Variants in TBC1D14 observed in about 807,000 individuals in gnomAD.
The protein encoded by TBC1D14 is TBC1 domain family member 14.
In TBC1D14, 26 loss-of-function variants were observed where a neutral mutation model predicts 79.0. The observed-to-expected ratio is 0.33, with a 90% CI of 0.24 to 0.46. The LOEUF (loss-of-function observed/expected upper bound fraction) is 0.46, where lower values mean the gene tolerates loss of function less well. TBC1D14 is among the 20% of genes least tolerant of loss of function. TBC1D14 has a pLI of 1.00. For synonymous variants in TBC1D14, 394 were observed against 349.9 expected (o/e 1.13, Z -1.40); for missense variants, 769 against 887.6 (o/e 0.87, Z 1.70).
intron 11 of TBC1D14, among the ~76,000 whole-genome samples, chr4:7,013,728 C>T (rs1238746006): frequency 1.4e-5 from 2 of 143,820 alleles, no homozygotes; most frequent in African/African-American, 5.2e-5. Flanking sequence ...CGAGGCATGC[C>T]TGCTTTTCCA....
intron 2 of TBC1D14, among the ~76,000 whole-genome samples, chr4:6,963,535 G>A (rs930508259): frequency 1.3e-5 from 2 of 152,204 alleles, no homozygotes; most frequent in East Asian, 1.9e-4. Context: ...TGACAAGTAG[G>A]TGCAGCTCCT....
chr4:6,999,585 C>G (rs918507296), intron 6 of TBC1D14, among the ~76,000 whole-genome samples: 6 of 152,114 alleles, frequency 3.9e-5, no homozygotes. Context: ...CTCTCCTCCA[C>G]TTGGACAGAG....
intron 2 of TBC1D14, among the ~76,000 whole-genome samples, chr4:6,953,960 G>C (rs999345964): frequency 8.5e-5 from 13 of 152,172 alleles, no homozygotes; most frequent in Non-Finnish European, 1.8e-4. Flanking sequence ...GCTTTTCCAG[G>C]TCCGAGGTCC....
At chr4:7,016,409 C>T (rs1721281636) in intron 12 of TBC1D14, among the ~76,000 whole-genome samples, 1 of 152,356 alleles carries the variant, frequency 6.6e-6, no homozygotes, top group East Asian at 1.9e-4. Context: ...CCACCGTGTG[C>T]ATTTGACTGC....
chr4:6,998,871 T>C (rs1253544823), intron 5 of TBC1D14: 1 of 528,240 alleles, frequency 1.9e-6, no homozygotes. Flanking sequence ...TGTACTTTCC[T>C]GTCTAGATGT....
intron 3 of TBC1D14, among the ~76,000 whole-genome samples, chr4:6,981,160 G>A (rs1335646106): frequency 6.6e-6 from 1 of 151,936 alleles, no homozygotes; most frequent in African/African-American, 2.4e-5. Context: ...GAGTAGCTGG[G>A]ATTACAGGCA....
chr4:6,961,431 G>A (rs1553860645), intron 2 of TBC1D14, among the ~76,000 whole-genome samples: 1 of 152,160 alleles, frequency 6.6e-6, no homozygotes, highest in Non-Finnish European at 1.5e-5. Flanking sequence ...AGCTGGCCCT[G>A]CTGAGGAGTT....
At chr4:6,917,611 TG>T (rs1244680509) in intron 1 of TBC1D14, among the ~76,000 whole-genome samples, 2 of 151,784 alleles carry the variant, frequency 1.3e-5, no homozygotes, top group African/African-American at 4.8e-5. Context: ...GGGTAATGGC[TG>T]GGGGTGACTG....
chr4:6,960,901 G>A (rs913359359), intron 2 of TBC1D14, among the ~76,000 whole-genome samples: 1 of 152,202 alleles, frequency 6.6e-6, no homozygotes, highest in African/African-American at 2.4e-5. Context: ...GCCAGAATCG[G>A]TGTCCAACGC....
chr4:6,998,935 G>A (rs570007800), intron 5 of TBC1D14, 150 bp from the exon 6 acceptor site: 54 of 646,820 alleles, frequency 8.3e-5, no homozygotes, highest in Non-Finnish European at 1.3e-4. Context: ...TCTGGAGTCC[G>A]TCAGGTGTGA....
intron 3 of TBC1D14, among the ~76,000 whole-genome samples, chr4:6,984,102 A>T (rs1171034431): frequency 1.4e-5 from 2 of 140,592 alleles, no homozygotes; most frequent in Non-Finnish European, 3.1e-5. Context: ...GAGGGGTCTC[A>T]GGCCTGTGAA....
chr4:6,929,396 T>C (rs1711533352), intron 2 of TBC1D14, among the ~76,000 whole-genome samples: 1 of 152,096 alleles, frequency 6.6e-6, no homozygotes, highest in African/African-American at 2.4e-5. Context: ...CCCTCTACTG[T>C]GTGATGAGGA....
In TBC1D14 at chr4:6,996,216, T is replaced by A. The variant is rs376307555; in HGVS notation, c.963-109T>A. 4.5e-5 allele frequency: 37 copies of A among 819,134 alleles called. No individual in the cohort carries two copies. In the East Asian group the frequency reaches 5.4e-4, roughly 12 times the overall value. 50.7% of individuals were successfully genotyped at this position (819,134 alleles called of 1,614,324 possible). ...AACTGTGTAATCTTAAAAAAATGAGTTTTTAGTGTTTGAGCTTTATATTTT... is the reference window on the plus strand; with the variant it reads ...AACTGTGTAATCTTAAAAAAATGAGATTTTAGTGTTTGAGCTTTATATTTT... On this transcript the variant is annotated intron_variant, in intron 4 of 13. Coordinates refer to ENST00000409757, the MANE Select transcript of TBC1D14 (RefSeq NM_020773.3).
At chr4:6,993,909 C>G (rs1297258842) in intron 3 of TBC1D14, among the ~76,000 whole-genome samples, 1 of 152,166 alleles carries the variant, frequency 6.6e-6, no homozygotes, top group African/African-American at 2.4e-5. Flanking sequence ...ACTTGAGAGG[C>G]TTAGGCAGGA....
chr4:7,025,268 CG>C lies in TBC1D14; in HGVS notation c.2016+9del, dbSNP rs755200891. 1 of 1,614,054 alleles carries C rather than the reference CG, an allele frequency of 6.2e-7. No homozygotes were observed. Among genetic ancestry groups the C allele is most frequent in the Non-Finnish European group, 8.5e-7 (1 of 1,179,930 alleles). ...GAAACAAGAAGTGGGCTCAGGTCAGCGGGCTTTGTGTTCTTGGCTTCCCACA... is the reference window on the plus strand; with the variant it reads ...GAAACAAGAAGTGGGCTCAGGTCAGCGGCTTTGTGTTCTTGGCTTCCCACA... On this transcript the variant is annotated splice_region_variant and intron_variant, in intron 13 of 13. Coordinates refer to ENST00000409757, the MANE Select transcript of TBC1D14 (RefSeq NM_020773.3).
chr4:7,011,238 C>G (rs1720735072), intron 11 of TBC1D14, among the ~76,000 whole-genome samples: 1 of 151,948 alleles, frequency 6.6e-6, no homozygotes, highest in Non-Finnish European at 1.5e-5. Flanking sequence ...CGCTGGAGAC[C>G]ATACTCCTTT....
In TBC1D14 at chr4:6,994,196, A is replaced by G. The variant is rs1718781003; in HGVS notation, c.856A>G (p.Lys286Glu). The G allele has an allele frequency of 6.2e-7, 1 of 1,614,122 alleles. No individual in the cohort carries two copies. The highest frequency in any genetic ancestry group is 8.5e-7 in the Non-Finnish European group (1 of 1,179,946). Residue 286 changes from lysine to glutamate, a missense_variant, in exon 4 of 14, where the codon AAG (lysine) becomes GAG (glutamate). Coordinates refer to ENST00000409757, the MANE Select transcript of TBC1D14 (RefSeq NM_020773.3). ...SKRIQKEYED[K>E]AGRPSKPPSP... ...TTCTTTGTCCTAGGAATATGAAGAC[A>G]AGGCTGGAAGACCTAGCAAGCCACC...
chr4:6,992,210 G>A (rs7655563), intron 3 of TBC1D14, among the ~76,000 whole-genome samples: 30,647 of 152,204 alleles, frequency 0.2, 3,397 homozygotes, highest in African/African-American at 0.29. Context: ...TACCTTGCCC[G>A]AGGTCACAGC....
At chr4:6,912,853 G>C (rs1723114337) in intron 1 of TBC1D14, among the ~76,000 whole-genome samples, 1 of 152,196 alleles carries the variant, frequency 6.6e-6, no homozygotes, top group South Asian at 2.1e-4. Flanking sequence ...CCAAGGCTCG[G>C]GGAAGTTAAG....
Sources: gnomAD v4.1 joint callset for allele counts (sites outside exome capture counted in the v4.1 genomes callset) on GRCh38, gnomAD v4.1.1 for gene constraint, MANE v1.5 for transcripts, NCBI Gene and HGNC (gene_info 2026-07-23, HGNC 2026-07-21) for gene names.